Variants in HAPLN4 observed in about 807,000 individuals in gnomAD.
HAPLN4 encodes the protein brain link protein 2.
HAPLN4 carries 19 observed loss-of-function variants against 28.0 expected under a neutral mutation model. That is an observed-to-expected ratio of 0.68 (90% CI 0.47 to 1.00). The LOEUF is 1.00. Ranked by LOEUF, HAPLN4 falls within the 50% of genes least tolerant of loss-of-function variation. HAPLN4 has a pLI of 0.00. For missense variants in HAPLN4, 587 were observed against 602.6 expected, an observed-to-expected ratio of 0.97 and a Z score of 0.27; for synonymous variants, 274 against 273.0, an observed-to-expected ratio of 1.00 and a Z score of -0.03.
At chr19:19,260,185 A>G (rs1327063274) in intron 3 of HAPLN4, among the ~76,000 whole-genome samples, 1 of 151,984 alleles carries the variant, frequency 6.6e-6, no homozygotes, top group Non-Finnish European at 1.5e-5. Context: ...GACATTTTGG[A>G]CTGGATCACT....
chr19:19,259,187 T>C (rs138142352), intron 3 of HAPLN4, among the ~76,000 whole-genome samples: 196 of 152,288 alleles, frequency 1.3e-3, no homozygotes, highest in East Asian at 4.8e-3. Context: ...CCCTCTTCCA[T>C]TGAGTCCTGT....
Position 19,258,916 on chromosome 19 carries a change from C to G in HAPLN4, c.485-61G>C. The G allele has an allele frequency of 7.5e-7, 1 of 1,341,802 alleles. No individual in the cohort carries two copies. Among genetic ancestry groups the G allele is most frequent in the East Asian group, 2.5e-5 (1 of 39,442 alleles). 83.1% of individuals were successfully genotyped at this position (1,341,802 alleles called of 1,614,324 possible). A position where few individuals can be genotyped will look rare whatever the true frequency, so the allele number is the denominator to read the frequency against. ...CAGCCCACCCTCATGCACCTGACGT[C>G]TGGGGTGCTATGTGACTCTTCAACC... On this transcript the variant is annotated intron_variant, in intron 3 of 4. Coordinates refer to ENST00000291481, the MANE Select transcript of HAPLN4 (RefSeq NM_023002.3). This position sits in a 1 kb window ranked among gnomAD's most constrained non-coding sequence, Gnocchi z 6.2.
Position 19,261,056 on chromosome 19 carries a change from C to T in HAPLN4, c.241G>A (p.Gly81Ser). The change falls in exon 3 of 5, where the codon GGC becomes AGC. Residue 81 changes from glycine to serine, a missense_variant. Coordinates refer to ENST00000291481, the MANE Select transcript of HAPLN4 (RefSeq NM_023002.3). ...ACCTTTGTCCACTTGAGCCGGACGC[C>T]GTCGTGACCGTGGGCGGCTGCCTCA... Reference protein sequence around the residue: ...HYEAAAHGHDGVRLKWTKVVD... With the variant: ...HYEAAAHGHDSVRLKWTKVVD... 1.9e-6 allele frequency: 3 copies of T among 1,613,216 alleles called. No individual in the cohort carries two copies. Among genetic ancestry groups the T allele is most frequent in the Non-Finnish European group, 2.5e-6 (3 of 1,180,010 alleles).
chr19:19,258,023 G>C lies in HAPLN4; in HGVS notation c.1003C>G (p.Pro335Ala). ...CTGCGGCCTCCGCAGCGCGCTCGCG[G>C]GTTCACGATGGGGTAGCGCGCACTG... The part of the protein sequence containing the change: ...DGSARYPIVN[P>A]RARCGGRRPG... The change falls in exon 5 of 5, where the codon CCG becomes GCG. Residue 335 changes from proline (P) to alanine (A), a missense_variant. By Grantham distance (27) the Pro-to-Ala change is conservative. Coordinates refer to ENST00000291481, the MANE Select transcript of HAPLN4 (RefSeq NM_023002.3). The surrounding 1 kb of genome is among the most constrained non-coding windows in gnomAD (Gnocchi z 6.2). 6.6e-7 allele frequency: 1 copy of C among 1,525,784 alleles called. No homozygotes were observed. The highest frequency in any genetic ancestry group is 8.8e-7 in the Non-Finnish European group (1 of 1,141,982). 94.5% of individuals were successfully genotyped at this position (1,525,784 alleles called of 1,614,324 possible). A position where few individuals can be genotyped will look rare whatever the true frequency, so the allele number is the denominator to read the frequency against.
intron 2 of HAPLN4, 39 bp from the exon 3 acceptor site, chr19:19,261,214 G>A (rs767829738): frequency 4.5e-6 from 7 of 1,559,398 alleles, no homozygotes; most frequent in Admixed American, 1.8e-5. Context: ...AGGGGCCTAG[G>A]GGCAGAAGGG....
Position 19,261,187 on chromosome 19 carries a change from C to T in HAPLN4, c.122-12G>A. 6.3e-7 allele frequency: 1 copy of T among 1,585,840 alleles called. No individual in the cohort carries two copies. The highest frequency in any genetic ancestry group is 8.6e-7 in the Non-Finnish European group (1 of 1,163,210). ...GCCCGACTCACCCTCTGAGGACAAC[C>T]AAGCAGGGTTCAGAGGAGGGGCCTA... On this transcript the variant is annotated splice_polypyrimidine_tract_variant and intron_variant, in intron 2 of 4. Transcript: ENST00000291481.
chr19:19,258,754 C>A lies in HAPLN4; in HGVS notation c.586G>T (p.Glu196Ter). The A allele has an allele frequency of 6.2e-7, 1 of 1,604,582 alleles. No homozygotes were observed. Among genetic ancestry groups the A allele is most frequent in the Non-Finnish European group, 8.5e-7 (1 of 1,177,020 alleles). Reference sequence around the variant, plus strand: ...TCGCGCCAGGCCGCGTGCAGCTGTTCTGCAGATGCCAGGATGCCGTCCTGC... The same window carrying A: ...TCGCGCCAGGCCGCGTGCAGCTGTTATGCAGATGCCAGGATGCCGTCCTGC... ...AEQDGILASA[E>*]QLHAAWRDGL... is the part of the protein sequence containing the mutation. Residue 196 changes from glutamate (E) to a stop codon, truncating the protein, a stop_gained, in exon 4 of 5, where the codon GAA (glutamate) becomes TAA (stop). Transcript: ENST00000291481. LOFTEE classifies it high-confidence loss of function. The surrounding 1 kb of genome is among the most constrained non-coding windows in gnomAD (Gnocchi z 6.2).
chr19:19,260,928 A>G lies in HAPLN4; in HGVS notation c.369T>C (p.Pro123=), dbSNP rs779284459. 1 of 1,613,976 alleles carries G rather than the reference A, an allele frequency of 6.2e-7. No homozygotes were observed. The change falls in exon 3 of 5, where the codon CCT becomes CCC. Residue 123 remains proline (P), a synonymous_variant. Transcript: ENST00000291481. ...TGCGGAGGACCAGGGAGGCATCCCC[A>G]GGCCCGTCGCCCTGCAGCTCAGCCC... ...RGRAELQGDG[P]GDASLVLRNV...
Position 19,258,469 on chromosome 19 carries a change from C to A in HAPLN4, c.817+54G>T, listed in dbSNP as rs891910642. 6.4e-7 allele frequency: 1 copy of A among 1,552,416 alleles called. No individual in the cohort carries two copies. The highest frequency in any genetic ancestry group is 8.8e-7 in the Non-Finnish European group (1 of 1,133,674). ...AAGAGCTGGGTGGGGAAGAAGGCCC[C>A]GGGGTTGGGGTAGTGTTGCAGCAGA... On this transcript the variant is annotated intron_variant, in intron 4 of 4. Transcript: ENST00000291481. The surrounding 1 kb of genome is among the most constrained non-coding windows in gnomAD (Gnocchi z 6.2).
At position 19,255,928 on chromosome 19, in the gene HAPLN4, GA is replaced by G. The variant is rs1210594525; in HGVS notation, c.*1888del. On this transcript the variant is annotated 3_prime_UTR_variant, in exon 5 of 5. Coordinates refer to ENST00000291481, the MANE Select transcript of HAPLN4 (RefSeq NM_023002.3). ...CGGGACTGGGGTCTCCCACGGCCGG[GA>G]TGGCCTTGTCCATGGATCATGTCCC... 1 of 152,282 alleles carries G rather than the reference GA, an allele frequency of 6.6e-6. No individual in the cohort carries two copies. The highest frequency in any genetic ancestry group is 1.5e-5 in the Non-Finnish European group (1 of 68,094). The allele number at this position is 152,282 out of a possible 1,614,324, so 9.4% of individuals were successfully genotyped here.
chr19:19,258,659 C>T lies in HAPLN4; in HGVS notation c.681G>A (p.Arg227=), dbSNP rs61742904. ...TCCCCCCCAGGCCGCCGCAGGGCTC[C>T]CGGGGCCGGTTCACGGGGTATTGCA... ...GSVQYPVNRP[R]EPCGGLGGTG... The change falls in exon 4 of 5, where the codon CGG becomes CGA. Residue 227 remains arginine (R), a synonymous_variant. Coordinates refer to ENST00000291481, the MANE Select transcript of HAPLN4 (RefSeq NM_023002.3). The surrounding 1 kb of genome is among the most constrained non-coding windows in gnomAD (Gnocchi z 6.2). The T allele has an allele frequency of 2.7e-5, 43 of 1,610,644 alleles. No homozygotes were observed. The Middle Eastern group carries it at 5.0e-4, about 19-fold the overall frequency.
intron 1 of HAPLN4, among the ~76,000 whole-genome samples, chr19:19,262,385 G>A (rs901113314): frequency 1.3e-5 from 2 of 150,826 alleles, no homozygotes; most frequent in Admixed American, 6.6e-5. Flanking sequence ...GAGGCAGAGG[G>A]AGCGACAGAG....
At chr19:19,262,129 G>C (rs1176226588) in intron 1 of HAPLN4, among the ~76,000 whole-genome samples, 1 of 151,752 alleles carries the variant, frequency 6.6e-6, no homozygotes, top group African/African-American at 2.4e-5. Context: ...GACAGATGTA[G>C]AGGGAGAGAC....
chr19:19,262,583 CA>C, intron 1 of HAPLN4, 146 bp downstream of exon 1: 1 of 993,844 alleles, frequency 1.0e-6, no homozygotes, highest in Non-Finnish European at 1.6e-6. Flanking sequence ...CCTAGAGTGC[CA>C]AAAAGAGAGA....
intron 1 of HAPLN4, among the ~76,000 whole-genome samples, chr19:19,262,260 G>A (rs1203300815): frequency 6.7e-6 from 1 of 149,446 alleles, no homozygotes; most frequent in African/African-American, 2.5e-5. Flanking sequence ...AGACAGAGAA[G>A]CAGAGGGAGA....
Position 19,258,067 on chromosome 19 carries a change from G to T in HAPLN4, c.959C>A (p.Ala320Glu), listed in dbSNP as rs1462811542. 1.3e-6 allele frequency: 2 copies of T among 1,552,712 alleles called. No homozygotes were observed. Among genetic ancestry groups the T allele is most frequent in the Non-Finnish European group, 1.7e-6 (2 of 1,155,948 alleles). Residue 320 changes from alanine to glutamate, a missense_variant, in exon 5 of 5, where the codon GCG (alanine) becomes GAG (glutamate). By Grantham distance (107) the Ala-to-Glu change is moderately radical (BLOSUM62 -1). Coordinates refer to ENST00000291481, the MANE Select transcript of HAPLN4 (RefSeq NM_023002.3). This position sits in a 1 kb window ranked among gnomAD's most constrained non-coding sequence, Gnocchi z 6.2. ...WKLQLLDRCT[A>E]GWLADGSARY... ...CGCACTGCCATCGGCCAGCCAACCC[G>T]CGGTGCAGCGGTCTAGCAGCTGCAG... is the stretch of plus-strand genomic sequence containing the variant.
At chr19:19,261,839 G>T (rs1366440911) in intron 1 of HAPLN4, among the ~76,000 whole-genome samples, 1 of 147,352 alleles carries the variant, frequency 6.8e-6, no homozygotes, top group East Asian at 2.2e-4. Flanking sequence ...TCGCTGCCCC[G>T]CCCCCTTCTG....
At position 19,258,667 on chromosome 19, in the gene HAPLN4, G is replaced by C; in HGVS notation, c.673C>G (p.Arg225Gly). 6.2e-7 allele frequency: 1 copy of C among 1,609,714 alleles called. No homozygotes were observed. Among genetic ancestry groups the C allele is most frequent in the Non-Finnish European group, 8.5e-7 (1 of 1,178,320 alleles). Residue 225 changes from arginine (R) to glycine (G), a missense_variant, in exon 4 of 5, where the codon CGG (arginine) becomes GGG (glycine). Physicochemically the swap from Arg to Gly is moderately radical, Grantham distance 125. Coordinates refer to ENST00000291481, the MANE Select transcript of HAPLN4 (RefSeq NM_023002.3). The surrounding 1 kb of genome is among the most constrained non-coding windows in gnomAD (Gnocchi z 6.2). ...RDGSVQYPVNRPREPCGGLGG... is the reference protein window; with the variant it reads ...RDGSVQYPVNGPREPCGGLGG... ...AGGCCGCCGCAGGGCTCCCGGGGCC[G>C]GTTCACGGGGTATTGCACTGAGCCG...
At position 19,257,792 on chromosome 19, in the gene HAPLN4, C is replaced by T. The variant is rs200600904; in HGVS notation, c.*25G>A. On this transcript the variant is annotated 3_prime_UTR_variant, in exon 5 of 5. Coordinates refer to ENST00000291481, the MANE Select transcript of HAPLN4 (RefSeq NM_023002.3). Reference sequence around the variant, plus strand: ...AGGGCTCTAGACCAGTGGTCAAGCGCCCTGGCTGTCCGCCTACTCCCAGCC... The same window carrying T: ...AGGGCTCTAGACCAGTGGTCAAGCGTCCTGGCTGTCCGCCTACTCCCAGCC... 2 of 1,392,458 alleles carry T rather than the reference C, an allele frequency of 1.4e-6. No homozygotes were observed. Among genetic ancestry groups the T allele is most frequent in the Non-Finnish European group, 1.9e-6 (2 of 1,080,858 alleles). The allele number at this position is 1,392,458 out of a possible 1,614,324, so 86.3% of individuals were successfully genotyped here. A position where few individuals can be genotyped will look rare whatever the true frequency, so the allele number is the denominator to read the frequency against.
Sources: gnomAD v4.1 joint callset for allele counts (sites outside exome capture counted in the v4.1 genomes callset) on GRCh38, gnomAD v4.1.1 for gene constraint, Gnocchi (gnomAD v3.1) non-coding constraint, MANE v1.5 for transcripts, NCBI Gene and HGNC (gene_info 2026-07-23, HGNC 2026-07-21) for gene names.